The following LRP1 variants were observed in gnomAD, a reference collection of about 807,000 sequenced individuals.
LRP1 encodes the protein prolow-density lipoprotein receptor-related protein 1.
LRP1 carries 51 observed loss-of-function variants against 541.5 expected under a neutral mutation model. The ratio of observed to expected loss-of-function variants is 0.09; its 90% CI spans 0.08 to 0.12. LRP1 has a LOEUF of 0.12. LRP1 is among the 10% of genes least tolerant of loss of function. The pLI, the probability that LRP1 is intolerant of heterozygous loss-of-function variation, is 1.00. For missense variants in LRP1, 3,878 were observed against 6,376.2 expected (o/e 0.61, Z 13.34); for synonymous variants, 2,219 against 2,470.8 (o/e 0.90, Z 3.02).
Position 57,209,206 on chromosome 12 carries a change from G to C in LRP1, c.12262+7G>C, listed in dbSNP as rs923314433. On this transcript the variant is annotated splice_region_variant and intron_variant, in intron 79 of 88. Coordinates refer to ENST00000243077, the MANE Select transcript of LRP1 (RefSeq NM_002332.3). ...GCTGCTGACAGCAAACGAGGTCAGA[G>C]CCCGGCATAAGTCGCAGTCCCCAGC... 6.2e-7 allele frequency: 1 copy of C among 1,611,214 alleles called. No homozygotes were observed. The highest frequency in any genetic ancestry group is 1.3e-5 in the African/African-American group (1 of 74,962).
At chr12:57,180,854 G>A (rs778557063) in intron 33 of LRP1, 47 bp downstream of exon 33, 1 of 1,606,356 alleles carries the variant, frequency 6.2e-7, no homozygotes, top group Admixed American at 1.7e-5. Context: ...GGCAACAGGG[G>A]AGCCGTCCAG....
Position 57,149,755 on chromosome 12 carries a change from G to A in LRP1, c.841+4265G>A, listed in dbSNP as rs768628895. 1.4e-5 allele frequency: 10 copies of A among 719,660 alleles called. No individual in the cohort carries two copies. The East Asian group carries it at 2.6e-4, about 19-fold the overall frequency. The allele number at this position is 719,660 out of a possible 1,614,324, so 44.6% of individuals were successfully genotyped here. On this transcript the variant is annotated intron_variant, in intron 6 of 88. Transcript: ENST00000243077. Reference sequence around the variant, plus strand: ...GCTCCAGACTGGCTGGTGGAAGGAAGAGCTGAAGTCGGGACCCAGCAGGAA... The same window carrying A: ...GCTCCAGACTGGCTGGTGGAAGGAAAAGCTGAAGTCGGGACCCAGCAGGAA...
Position 57,175,894 on chromosome 12 carries a change from T to A in LRP1, c.3794-15T>A. 1 of 1,613,160 alleles carries A rather than the reference T, an allele frequency of 6.2e-7. No homozygotes were observed. The highest frequency in any genetic ancestry group is 8.5e-7 in the Non-Finnish European group (1 of 1,179,704). On this transcript the variant is annotated splice_polypyrimidine_tract_variant and intron_variant, in intron 23 of 88. Coordinates refer to ENST00000243077, the MANE Select transcript of LRP1 (RefSeq NM_002332.3). ...CTAGCCCCTTGCTGACCCCATCACA[T>A]CCCTCCCATCCCAGACCCCTTCAAG... is the stretch of plus-strand genomic sequence containing the variant.
intron 82 of LRP1, 48 bp from the exon 83 acceptor site, chr12:57,210,670 A>G: frequency 1.3e-6 from 2 of 1,576,118 alleles, no homozygotes; most frequent in Non-Finnish European, 1.7e-6. Context: ...CTATAGGGCC[A>G]GGTGGTCTCG....
rs768001212 is a variant in LRP1 at position 57,180,628 on chromosome 12, G to A, written c.5387-39G>A. On this transcript the variant is annotated intron_variant, in intron 32 of 88. Transcript: ENST00000243077. ...GGGCCCTTCAGGAGAGCTGGGTGTG[G>A]GGCCTTCCCAAGGGTCTCATCCCCT... is the stretch of plus-strand genomic sequence containing the variant. The A allele has an allele frequency of 4.3e-6, 7 of 1,612,604 alleles. No homozygotes were observed. The South Asian group carries it at 7.7e-5, about 18-fold the overall frequency.
In LRP1 at chr12:57,179,427, G is replaced by A. The variant is rs979662022; in HGVS notation, c.4837G>A (p.Asp1613Asn). The change falls in exon 29 of 89, where the codon GAC becomes AAC. Residue 1613 changes from aspartate (D) to asparagine (N), a missense_variant. Asp to Asn is a conservative substitution (Grantham distance 23). Transcript: ENST00000243077. This position sits in a 1 kb window ranked among gnomAD's most constrained non-coding sequence, Gnocchi z 6.8. Reference sequence around the variant, plus strand: ...CTACATCATCTCCTTCACGGTGCCCGACATCGACAACGTCACAGTGCTAGA... The same window carrying A: ...CTACATCATCTCCTTCACGGTGCCCAACATCGACAACGTCACAGTGCTAGA... The part of the protein sequence containing the change: ...YNYIISFTVP[D>N]IDNVTVLDYD... The A allele has an allele frequency of 1.2e-6, 2 of 1,614,076 alleles. No individual in the cohort carries two copies. Among genetic ancestry groups the A allele is most frequent in the Non-Finnish European group, 1.7e-6 (2 of 1,180,038 alleles).
chr12:57,204,398 C>T lies in LRP1; in HGVS notation c.10952-12C>T, dbSNP rs1380585915. ...ATGGCTCATTCTATCTCTTGGCTCC[C>T]CCTGGCACCAGTGCGGACCTGCCCC... On this transcript the variant is annotated splice_polypyrimidine_tract_variant and intron_variant, in intron 70 of 88. Coordinates refer to ENST00000243077, the MANE Select transcript of LRP1 (RefSeq NM_002332.3). This position sits in a 1 kb window ranked among gnomAD's most constrained non-coding sequence, Gnocchi z 5.3. 4.0e-6 allele frequency: 6 copies of T among 1,517,644 alleles called. No individual in the cohort carries two copies. In the South Asian group the frequency reaches 5.3e-5, roughly 13 times the overall value. The allele number at this position is 1,517,644 out of a possible 1,614,324, so 94.0% of individuals were successfully genotyped here. A position where few individuals can be genotyped will look rare whatever the true frequency, so the allele number is the denominator to read the frequency against.
At chr12:57,170,932 C>T (rs1009100265) in intron 20 of LRP1, among the ~76,000 whole-genome samples, 3 of 152,206 alleles carry the variant, frequency 2.0e-5, no homozygotes, top group African/African-American at 7.2e-5. Flanking sequence ...ACATTCCCAC[C>T]CTAGTAGGAG....
chr12:57,142,235 G>A (rs147670024), intron 3 of LRP1, among the ~76,000 whole-genome samples: 100 of 152,368 alleles, frequency 6.6e-4, no homozygotes, highest in Middle Eastern at 3.4e-3. Context: ...TCAAGCCTGC[G>A]TGTTAGGGAA....
Position 57,190,976 on chromosome 12 carries a change from C to A in LRP1, c.7203C>A (p.Ile2401=). ...LYFSDATLDK[I]ERCEYDGSHR... ...TCTCTGACGCCACCCTGGACAAGAT[C>A]GAGCGGTGCGAGTATGACGGCTCCC... The change falls in exon 43 of 89, where the codon ATC becomes ATA. Residue 2401 remains isoleucine (I), a synonymous_variant. Coordinates refer to ENST00000243077, the MANE Select transcript of LRP1 (RefSeq NM_002332.3). 1 of 1,612,346 alleles carries A rather than the reference C, an allele frequency of 6.2e-7. No individual in the cohort carries two copies. The highest frequency in any genetic ancestry group is 8.5e-7 in the Non-Finnish European group (1 of 1,179,968).
In LRP1 at chr12:57,206,447, C is replaced by T. The variant is rs773962447; in HGVS notation, c.11591-26C>T. On this transcript the variant is annotated intron_variant, in intron 75 of 88. Coordinates refer to ENST00000243077, the MANE Select transcript of LRP1 (RefSeq NM_002332.3). This position sits in a 1 kb window ranked among gnomAD's most constrained non-coding sequence, Gnocchi z 4.7. Reference sequence around the variant, plus strand: ...GGGTGCACACCTGCATCCCACAGCCCCAGCCCTGGCCTCTTGCTTCTCCAG... The same window carrying T: ...GGGTGCACACCTGCATCCCACAGCCTCAGCCCTGGCCTCTTGCTTCTCCAG... 4.0e-5 allele frequency: 64 copies of T among 1,611,298 alleles called. No individual in the cohort carries two copies. The highest frequency in any genetic ancestry group is 5.2e-5 in the Non-Finnish European group (61 of 1,178,472).
chr12:57,201,004 G>A lies in LRP1; in HGVS notation c.10226-30G>A, dbSNP rs773540242. The A allele has an allele frequency of 5.5e-5, 89 of 1,613,624 alleles. No individual in the cohort carries two copies. Among genetic ancestry groups the A allele is most frequent in the East Asian group, 4.0e-4 (18 of 44,872 alleles). On this transcript the variant is annotated intron_variant, in intron 64 of 88. Coordinates refer to ENST00000243077, the MANE Select transcript of LRP1 (RefSeq NM_002332.3). The surrounding 1 kb of genome is among the most constrained non-coding windows in gnomAD (Gnocchi z 6.4). The stretch of plus-strand genomic sequence containing the variant: ...CTCCCTGCCCCTGAGTCCTCCCTTC[G>A]CCACGAATCACCTCCTCCTCCCTCC...
intron 34 of LRP1, among the ~76,000 whole-genome samples, chr12:57,182,868 A>T (rs2036193529): frequency 6.6e-6 from 1 of 152,162 alleles, no homozygotes; most frequent in African/African-American, 2.4e-5. Flanking sequence ...AAGAAATGGG[A>T]TAACTGGGAA....
At position 57,185,113 on chromosome 12, in the gene LRP1, G is replaced by C. The variant is rs555133549; in HGVS notation, c.6371G>C (p.Ser2124Thr). 6.2e-7 allele frequency: 1 copy of C among 1,614,036 alleles called. No individual in the cohort carries two copies. The highest frequency in any genetic ancestry group is 1.7e-5 in the Admixed American group (1 of 59,998). Residue 2124 changes from serine to threonine, a missense_variant, in exon 40 of 89, where the codon AGC (serine) becomes ACC (threonine). Coordinates refer to ENST00000243077, the MANE Select transcript of LRP1 (RefSeq NM_002332.3). This position sits in a 1 kb window ranked among gnomAD's most constrained non-coding sequence, Gnocchi z 4.9. Reference sequence around the variant, plus strand: ...GCCAACGGCTCTATCAAGCGCGGGAGCAAAGACAATGCCACAGACTCCGTG... The same window carrying C: ...GCCAACGGCTCTATCAAGCGCGGGACCAAAGACAATGCCACAGACTCCGTG... ...THANGSIKRG[S>T]KDNATDSVPL...
intron 47 of LRP1, 90 bp downstream of exon 47, chr12:57,193,775 T>C (rs2036466525): frequency 3.1e-6 from 5 of 1,608,754 alleles, no homozygotes; most frequent in Non-Finnish European, 3.4e-6. Flanking sequence ...CCCCGTGGTG[T>C]CTGGTTCAAG....
chr12:57,166,985 C>T lies in LRP1; in HGVS notation c.2853C>T (p.Ile951=). The T allele has an allele frequency of 6.2e-7, 1 of 1,614,174 alleles. No homozygotes were observed. The highest frequency in any genetic ancestry group is 1.1e-5 in the South Asian group (1 of 91,082). Residue 951 remains isoleucine (I), a synonymous_variant, in exon 18 of 89, where the codon ATC becomes ATT. Transcript: ENST00000243077. The part of the protein sequence containing the change: ...FSCASGRCIP[I]SWTCDLDDDC... ...GTGCCAGTGGCCGCTGCATCCCCAT[C>T]TCCTGGACGTGTGATCTGGATGACG...
At position 57,197,862 on chromosome 12, in the gene LRP1, C is replaced by G. The variant is rs1361466851; in HGVS notation, c.9282+198C>G. ...GGGAGATTCCTCTTGCCCTTCCCCTCGCTGCCAGCCTCATGTCTCCTTAAT... is the reference window on the plus strand; with the variant it reads ...GGGAGATTCCTCTTGCCCTTCCCCTGGCTGCCAGCCTCATGTCTCCTTAAT... On this transcript the variant is annotated intron_variant, in intron 58 of 88. Transcript: ENST00000243077. This position sits in a 1 kb window ranked among gnomAD's most constrained non-coding sequence, Gnocchi z 4.5. 6.6e-6 allele frequency among the ~76,000 whole-genome samples: 1 copy of G among 152,180 alleles called. No individual in the cohort carries two copies. The highest frequency in any genetic ancestry group is 1.5e-5 in the Non-Finnish European group (1 of 68,040).
At chr12:57,209,276 A>T (rs1306361778) in intron 79 of LRP1, 77 bp downstream of exon 79, 1 of 1,128,400 alleles carries the variant, frequency 8.9e-7, no homozygotes, top group East Asian at 2.4e-5. Context: ...CAAAGGCCTC[A>T]CTTCAATGCC....
chr12:57,200,507 G>A lies in LRP1; in HGVS notation c.10080G>A (p.Gly3360=). The change falls in exon 63 of 89, where the codon GGG becomes GGA. Residue 3360 remains glycine (G), a synonymous_variant. Coordinates refer to ENST00000243077, the MANE Select transcript of LRP1 (RefSeq NM_002332.3). ...WWKCDTEDDC[G]DHSDEPPDCP... ...AGTGTGACACCGAGGACGACTGCGG[G>A]GACCACTCAGACGAGCCCCCGGACT... 6.2e-7 allele frequency: 1 copy of A among 1,613,806 alleles called. No homozygotes were observed. Among genetic ancestry groups the A allele is most frequent in the Non-Finnish European group, 8.5e-7 (1 of 1,179,980 alleles).
Sources: gnomAD v4.1 joint callset for allele counts (sites outside exome capture counted in the v4.1 genomes callset) on GRCh38, gnomAD v4.1.1 for gene constraint, Gnocchi (gnomAD v3.1) non-coding constraint, MANE v1.5 for transcripts, NCBI Gene and HGNC (gene_info 2026-07-23, HGNC 2026-07-21) for gene names.